NSD1: variants seen among roughly 807,000 people sequenced by gnomAD.
NSD1 encodes nuclear receptor binding SET domain protein 1.
In NSD1, 26 loss-of-function variants were observed where a neutral mutation model predicts 242.7. The ratio of observed to expected loss-of-function variants is 0.11; its 90% CI spans 0.08 to 0.15. NSD1 has a LOEUF of 0.15. NSD1 is among the 10% of genes least tolerant of loss of function. The pLI is 1.00. For missense variants in NSD1, 2,495 were observed against 3,272.8 expected (o/e 0.76, Z 5.80); for synonymous variants, 1,106 against 1,178.1 (o/e 0.94, Z 1.25).
chr5:177,283,912 A>G lies in NSD1; in HGVS notation c.6135A>G (p.Leu2045=). ...ATACCCGTGTAGGCCTTTTTGCACT[A>G]AGTGACATTAAAGCAGGTAAGAATC... ...NGDTRVGLFA[L]SDIKAGTELT... Residue 2045 remains leucine (L), a synonymous_variant, in exon 20 of 23, where the codon CTA becomes CTG. Coordinates refer to ENST00000439151, the MANE Select transcript of NSD1 (RefSeq NM_022455.5). 6.2e-7 allele frequency: 1 copy of G among 1,614,192 alleles called. No homozygotes were observed. Among genetic ancestry groups the G allele is most frequent in the Non-Finnish European group, 8.5e-7 (1 of 1,180,024 alleles).
At chr5:177,240,322 C>T (rs781631932) in intron 8 of NSD1, among the ~76,000 whole-genome samples, 1 of 152,062 alleles carries the variant, frequency 6.6e-6, no homozygotes, top group African/African-American at 2.4e-5. Flanking sequence ...CTCTGCCTCC[C>T]AGGCTCACCA....
At chr5:177,247,078 C>T (rs1581431039) in intron 10 of NSD1, among the ~76,000 whole-genome samples, 4 of 152,240 alleles carry the variant, frequency 2.6e-5, no homozygotes, top group Admixed American at 2.0e-4. Context: ...CTTGTAAAAC[C>T]GGAGAGTACA....
chr5:177,289,320 CAA>C (rs911985681), intron 21 of NSD1, among the ~76,000 whole-genome samples: 1 of 140,990 alleles, frequency 7.1e-6, no homozygotes, highest in South Asian at 2.3e-4. Context: ...GACTCCTTCT[CAA>C]AAAAAAAAAG....
At chr5:177,221,384 A>C (rs1053415884) in intron 5 of NSD1, among the ~76,000 whole-genome samples, 6 of 151,214 alleles carry the variant, frequency 4.0e-5, no homozygotes, top group African/African-American at 1.5e-4. Context: ...TGTTGTTACC[A>C]TGGGGCTTAA....
intron 5 of NSD1, among the ~76,000 whole-genome samples, chr5:177,235,061 G>A (rs1049685902): frequency 6.6e-6 from 1 of 152,148 alleles, no homozygotes; most frequent in Non-Finnish European, 1.5e-5. Flanking sequence ...TTAATGGTAT[G>A]TCATATTTTT....
At chr5:177,163,206 G>A (rs1014946463) in intron 2 of NSD1, among the ~76,000 whole-genome samples, 3 of 146,652 alleles carry the variant, frequency 2.0e-5, no homozygotes, top group Non-Finnish European at 4.4e-5. Flanking sequence ...GCAGTGGCAC[G>A]ATCTCGGCTC....
chr5:177,283,741 C>T, intron 19 of NSD1, 46 bp from the exon 20 acceptor site: 1 of 1,604,654 alleles, frequency 6.2e-7, no homozygotes, highest in Non-Finnish European at 8.5e-7. Flanking sequence ...TAATCCACAG[C>T]AGAGGTCTCA....
chr5:177,181,434 T>TG (rs1467173516), intron 2 of NSD1, among the ~76,000 whole-genome samples: 8 of 145,164 alleles, frequency 5.5e-5, no homozygotes, highest in Non-Finnish European at 1.1e-4. Context: ...TTGGTTTTTT[T>TG]TTTTTTTTTT....
Position 177,295,912 on chromosome 5 carries a change from A to T in NSD1, c.*453A>T. 1 of 363,604 alleles carries T rather than the reference A, an allele frequency of 2.8e-6. No individual in the cohort carries two copies. Among genetic ancestry groups the T allele is most frequent in the Non-Finnish European group, 5.1e-6 (1 of 194,738 alleles). 22.5% of individuals were successfully genotyped at this position (363,604 alleles called of 1,614,324 possible). On this transcript the variant is annotated 3_prime_UTR_variant, in exon 23 of 23. Coordinates refer to ENST00000439151, the MANE Select transcript of NSD1 (RefSeq NM_022455.5). This position sits in a 1 kb window ranked among gnomAD's most constrained non-coding sequence, Gnocchi z 4.3. ...ATCAGTGGCGATTTCCTGAGCATTCACGTGTTCTAGGCCGGGTGCTAGTCA... is the reference window on the plus strand; with the variant it reads ...ATCAGTGGCGATTTCCTGAGCATTCTCGTGTTCTAGGCCGGGTGCTAGTCA...
At chr5:177,150,704 A>G (rs1414294732) in intron 2 of NSD1, among the ~76,000 whole-genome samples, 1 of 152,220 alleles carries the variant, frequency 6.6e-6, no homozygotes, top group African/African-American at 2.4e-5. Flanking sequence ...ATTACTGGTT[A>G]TGTGATATTC....
chr5:177,268,407 A>G (rs1581494375), intron 15 of NSD1, among the ~76,000 whole-genome samples: 3 of 151,874 alleles, frequency 2.0e-5, no homozygotes, highest in African/African-American at 4.8e-5. Flanking sequence ...CAGCACACCA[A>G]CATGGCACAT....
chr5:177,230,973 A>G (rs1474008517), intron 5 of NSD1, among the ~76,000 whole-genome samples: 1 of 152,164 alleles, frequency 6.6e-6, no homozygotes, highest in Non-Finnish European at 1.5e-5. Flanking sequence ...ATGTGATAGC[A>G]TAGGGATCTG....
chr5:177,174,869 G>T, intron 2 of NSD1, among the ~76,000 whole-genome samples: 1 of 91,416 alleles, frequency 1.1e-5, no homozygotes, highest in Non-Finnish European at 2.0e-5. Flanking sequence ...GGCCTTATCT[G>T]ACTTTTTTTT....
chr5:177,233,470 G>A (rs1765212809), intron 5 of NSD1, among the ~76,000 whole-genome samples: 1 of 151,328 alleles, frequency 6.6e-6, no homozygotes, highest in Admixed American at 6.6e-5. Context: ...CTGGGTTTAA[G>A]TGATTCTCAT....
At position 177,181,042 on chromosome 5, in the gene NSD1, CT is replaced by C. The variant is rs549075279; in HGVS notation, c.928-10828del. ...GTAGATGAGCAAAAAAATGTGGTTT[CT>C]TTTTTTTTTTTTTGAGATGGAGTCT... On this transcript the variant is annotated intron_variant, in intron 2 of 22. Transcript: ENST00000439151. 3.3e-3 allele frequency among the ~76,000 whole-genome samples: 421 copies of C among 126,652 alleles called. 1 individual carries two copies. The highest frequency in any genetic ancestry group is 0.01 in the East Asian group (45 of 4,310). The allele number at this position is 126,652 out of a possible 152,430, so 83.1% of individuals were successfully genotyped here. A position where few individuals can be genotyped will look rare whatever the true frequency, so the allele number is the denominator to read the frequency against.
chr5:177,158,968 A>C (rs1758445375), intron 2 of NSD1, among the ~76,000 whole-genome samples: 1 of 140,910 alleles, frequency 7.1e-6, no homozygotes, highest in Non-Finnish European at 1.5e-5. Flanking sequence ...ATATACACAC[A>C]CATATATACA....
intron 2 of NSD1, among the ~76,000 whole-genome samples, chr5:177,168,477 G>A (rs1362429119): frequency 7.4e-6 from 1 of 135,920 alleles, no homozygotes; most frequent in East Asian, 2.1e-4. Context: ...TCTTTTTTCC[G>A]GAGACAGAGT....
chr5:177,269,942 A>G lies in NSD1; in HGVS notation c.5509+135A>G, dbSNP rs1210829782. The G allele has an allele frequency of 1.4e-6, 1 of 708,610 alleles. No homozygotes were observed. Among genetic ancestry groups the G allele is most frequent in the Non-Finnish European group, 2.3e-6 (1 of 432,392 alleles). 43.9% of individuals were successfully genotyped at this position (708,610 alleles called of 1,614,324 possible). A position where few individuals can be genotyped will look rare whatever the true frequency, so the allele number is the denominator to read the frequency against. The stretch of plus-strand genomic sequence containing the variant: ...CAGGGCATTATCTGGCTGCAAATAC[A>G]GTATTTTGCAAGGAAGTTGACCCAT... On this transcript the variant is annotated intron_variant, in intron 16 of 22. Transcript: ENST00000439151. The surrounding 1 kb of genome is among the most constrained non-coding windows in gnomAD (Gnocchi z 5.1).
intron 5 of NSD1, among the ~76,000 whole-genome samples, chr5:177,219,217 C>A (rs1286480754): frequency 6.6e-6 from 1 of 151,386 alleles, no homozygotes; most frequent in African/African-American, 2.4e-5. Context: ...GAGGGAGTCT[C>A]GCTCTGTCGC....
Sources: allele counts gnomAD v4.1 joint callset (sites outside exome capture counted in the v4.1 genomes callset), GRCh38; gene constraint gnomAD v4.1.1; non-coding constraint Gnocchi (gnomAD v3.1); transcripts MANE v1.5; gene names NCBI Gene and HGNC (gene_info 2026-07-23, HGNC 2026-07-21).